Variants in SLC44A5 observed in about 807,000 individuals in gnomAD.
The protein encoded by SLC44A5 is choline transporter-like protein 5.
SLC44A5 carries 57 observed loss-of-function variants against 101.8 expected under a neutral mutation model. The observed-to-expected ratio is 0.56, with a 90% CI of 0.45 to 0.70. SLC44A5 has a LOEUF of 0.70. Ranked by LOEUF, SLC44A5 falls within the 30% of genes least tolerant of loss-of-function variation. The pLI is 0.00. For synonymous variants in SLC44A5, 281 were observed against 290.9 expected (o/e 0.97, Z 0.35); for missense variants, 737 against 853.1 (o/e 0.86, Z 1.70).
the SLC44A5 span, among the ~76,000 whole-genome samples, chr1:75,620,938 AT>A: frequency 1.3e-5 from 2 of 151,816 alleles, no homozygotes; most frequent in East Asian, 1.9e-4. Context: ...TACTGCCTAC[AT>A]TTTTTTCTAG....
At chr1:75,296,135 A>C (rs1043244891) in intron 5 of SLC44A5, among the ~76,000 whole-genome samples, 1 of 152,136 alleles carries the variant, frequency 6.6e-6, no homozygotes, top group Non-Finnish European at 1.5e-5. Context: ...CAGTCAAGCC[A>C]TGATGCCATT....
chr1:75,556,201 AGTCACATT>A (rs1672207309), intron 1 of SLC44A5, among the ~76,000 whole-genome samples: 1 of 152,074 alleles, frequency 6.6e-6, no homozygotes, highest in Non-Finnish European at 1.5e-5. Flanking sequence ...AAGCAAAATT[AGTCACATT>A]GTATTTTGTT....
intron 2 of SLC44A5, among the ~76,000 whole-genome samples, chr1:75,445,017 CCT>C (rs1420139137): frequency 6.6e-6 from 1 of 152,032 alleles, no homozygotes; most frequent in Non-Finnish European, 1.5e-5. Flanking sequence ...AATGAGACAT[CCT>C]CTCTCTTGAT....
At chr1:75,673,497 C>A in the SLC44A5 span, among the ~76,000 whole-genome samples, 2 of 152,118 alleles carry the variant, frequency 1.3e-5, no homozygotes, top group Non-Finnish European at 2.9e-5. Flanking sequence ...GAGCTCACTG[C>A]CCTGAAGGGA....
intron 2 of SLC44A5, among the ~76,000 whole-genome samples, chr1:75,430,355 A>G (rs1664546652): frequency 1.3e-5 from 2 of 152,074 alleles, no homozygotes; most frequent in African/African-American, 2.4e-5. Flanking sequence ...CTTGATCTTG[A>G]GCTCCCAGCC....
At chr1:75,650,822 G>A in the SLC44A5 span, among the ~76,000 whole-genome samples, 2 of 152,150 alleles carry the variant, frequency 1.3e-5, no homozygotes, top group African/African-American at 2.4e-5. Flanking sequence ...TGAAACTCCT[G>A]GGCTCAAGCA....
chr1:75,503,565 C>T (rs1381077455), intron 2 of SLC44A5, among the ~76,000 whole-genome samples: 2 of 152,112 alleles, frequency 1.3e-5, no homozygotes, highest in Admixed American at 1.3e-4. Context: ...TCAATTAAAC[C>T]TCTTTTCTTT....
intron 1 of SLC44A5, among the ~76,000 whole-genome samples, chr1:75,545,272 G>T (rs1671583757): frequency 6.6e-6 from 1 of 152,162 alleles, no homozygotes; most frequent in Non-Finnish European, 1.5e-5. Context: ...AGACATTTGG[G>T]TTGGTTACAA....
intron 2 of SLC44A5, among the ~76,000 whole-genome samples, chr1:75,485,187 C>T (rs1485799325): frequency 6.6e-6 from 1 of 152,238 alleles, no homozygotes. Flanking sequence ...CACAATCAAG[C>T]TGCACATTTT....
At chr1:75,275,366 T>TG (rs1374182651) in intron 5 of SLC44A5, among the ~76,000 whole-genome samples, 1 of 152,142 alleles carries the variant, frequency 6.6e-6, no homozygotes, top group African/African-American at 2.4e-5. Context: ...AAGTCACTTT[T>TG]TCTAGGGTTC....
intron 13 of SLC44A5, among the ~76,000 whole-genome samples, chr1:75,225,951 G>A (rs1230568376): frequency 1.3e-5 from 2 of 152,106 alleles, no homozygotes; most frequent in Admixed American, 6.6e-5. Context: ...ATCCATCCAA[G>A]AGTAAAACTA....
At chr1:75,649,012 C>G in the SLC44A5 span, among the ~76,000 whole-genome samples, 1 of 152,096 alleles carries the variant, frequency 6.6e-6, no homozygotes, top group Non-Finnish European at 1.5e-5. Context: ...GTCTTTTTGT[C>G]AATAGATGCT....
At chr1:75,716,932 G>C in the SLC44A5 span, among the ~76,000 whole-genome samples, 2 of 152,030 alleles carry the variant, frequency 1.3e-5, no homozygotes, top group African/African-American at 4.8e-5. Context: ...TACTTGGGAG[G>C]CTGAGGCAGG....
intron 2 of SLC44A5, among the ~76,000 whole-genome samples, chr1:75,470,837 T>C (rs1478593243): frequency 6.6e-6 from 1 of 152,098 alleles, no homozygotes; most frequent in Non-Finnish European, 1.5e-5. Flanking sequence ...CATCCTGCCA[T>C]CCCTTTTAAG....
At position 75,372,320 on chromosome 1, in the gene SLC44A5, C is replaced by T. The variant is rs115231245; in HGVS notation, c.52+24263G>A. On this transcript the variant is annotated intron_variant, in intron 3 of 23. Coordinates refer to ENST00000370859, the MANE Select transcript of SLC44A5 (RefSeq NM_001130058.2). Reference sequence around the variant, plus strand: ...TTTGCCCTTTTTCCTTAAATTTACACTTACTTTTCCCCAGATGCCTAACTC... The same window carrying T: ...TTTGCCCTTTTTCCTTAAATTTACATTTACTTTTCCCCAGATGCCTAACTC... Among the ~76,000 whole-genome samples, 408 of 151,902 alleles carry T rather than the reference C, an allele frequency of 2.7e-3. 1 individual carries two copies. Among genetic ancestry groups the T allele is most frequent in the Non-Finnish European group, 4.1e-3 (282 of 67,964 alleles).
intron 4 of SLC44A5, among the ~76,000 whole-genome samples, chr1:75,337,562 G>A (rs540057319): frequency 6.6e-6 from 1 of 152,150 alleles, no homozygotes; most frequent in South Asian, 2.1e-4. Context: ...TTTTGATTCT[G>A]TTGAATATCA....
intron 1 of SLC44A5, among the ~76,000 whole-genome samples, chr1:75,545,026 G>T (rs1345175126): frequency 6.6e-6 from 1 of 151,692 alleles, no homozygotes; most frequent in Non-Finnish European, 1.5e-5. Context: ...CCCTCCAAAA[G>T]GCCCTGGTGT....
intron 3 of SLC44A5, among the ~76,000 whole-genome samples, chr1:75,349,560 C>G (rs1386733832): frequency 1.3e-5 from 2 of 152,070 alleles, no homozygotes; most frequent in Non-Finnish European, 2.9e-5. Flanking sequence ...TCAGGCAAAA[C>G]AAATGAGAGT....
chr1:75,500,004 C>A (rs1346670858), intron 2 of SLC44A5, among the ~76,000 whole-genome samples: 1 of 152,138 alleles, frequency 6.6e-6, no homozygotes, highest in Non-Finnish European at 1.5e-5. Context: ...GCTGTCAATG[C>A]CCACGTGATG....
Sources: allele counts gnomAD v4.1 joint callset (sites outside exome capture counted in the v4.1 genomes callset), GRCh38; gene constraint gnomAD v4.1.1; transcripts MANE v1.5; gene names NCBI Gene and HGNC (gene_info 2026-07-23, HGNC 2026-07-21).